Variants in WDFY1 observed in about 807,000 individuals in gnomAD.
WDFY1 encodes WD repeat and FYVE domain containing 1.
In WDFY1, 32 loss-of-function variants were observed where a neutral mutation model predicts 56.4. The ratio of observed to expected loss-of-function variants is 0.57; its 90% CI spans 0.43 to 0.76. The LOEUF is 0.76. Among genes scored for constraint, WDFY1 ranks in the 30% least tolerant of loss-of-function variants. The probability of loss-of-function intolerance (pLI) is 0.00; values close to 1 mark genes in which losing one functional copy is unlikely to be tolerated. For synonymous variants in WDFY1, 192 were observed against 197.3 expected (o/e 0.97, Z 0.23); for missense variants, 480 against 545.7 (o/e 0.88, Z 1.20).
At chr2:223,933,876 C>T (rs10933026) in intron 1 of WDFY1, among the ~76,000 whole-genome samples, 109,862 of 143,768 alleles carry the variant, frequency 0.76, 44,980 homozygotes, top group Non-Finnish European at 0.92. Context: ...GTGGAAGGAT[C>T]GTTTGAGCCC....
At chr2:223,904,311 G>A (rs1332647765) in intron 4 of WDFY1, among the ~76,000 whole-genome samples, 3 of 152,320 alleles carry the variant, frequency 2.0e-5, no homozygotes, top group East Asian at 3.9e-4. Flanking sequence ...GAGTGCAGTG[G>A]TGCGATTTTG....
intron 8 of WDFY1, among the ~76,000 whole-genome samples, chr2:223,885,478 C>T (rs535095347): frequency 2.8e-4 from 43 of 152,248 alleles, no homozygotes; most frequent in African/African-American, 7.9e-4. Context: ...ATTACAGTCA[C>T]GAGCCACTGC....
chr2:223,895,290 T>G (rs34870657), intron 7 of WDFY1, among the ~76,000 whole-genome samples: 2,422 of 152,200 alleles, frequency 0.016, 49 homozygotes, highest in Middle Eastern at 0.058. Context: ...GCATTTGTTT[T>G]TTTGTTTGTT....
intron 1 of WDFY1, among the ~76,000 whole-genome samples, chr2:223,933,798 C>CA (rs113051490): frequency 4.0e-5 from 6 of 149,386 alleles, no homozygotes; most frequent in South Asian, 4.2e-4. Context: ...CCCATCTCTA[C>CA]AAAAAAAAAT....
intron 2 of WDFY1, among the ~76,000 whole-genome samples, chr2:223,913,761 T>C (rs953279845): frequency 2.0e-5 from 3 of 151,998 alleles, no homozygotes. Flanking sequence ...ATATGTAAAA[T>C]CCCTCTTTTG....
At chr2:223,889,029 A>G (rs536291364) in intron 8 of WDFY1, among the ~76,000 whole-genome samples, 5 of 147,986 alleles carry the variant, frequency 3.4e-5, no homozygotes, top group African/African-American at 1.3e-4. Context: ...TCAGCCTCCC[A>G]AGTAGCTGAG....
chr2:223,918,751 CGA>C (rs753531982), intron 1 of WDFY1, among the ~76,000 whole-genome samples: 13 of 152,076 alleles, frequency 8.5e-5, no homozygotes, highest in Non-Finnish European at 1.9e-4. Flanking sequence ...CCGTCTGGGC[CGA>C]GAGGAAGGCG....
Position 223,934,790 on chromosome 2 carries a change from G to A in WDFY1, c.137+10358C>T, listed in dbSNP as rs142634571. On this transcript the variant is annotated intron_variant, in intron 1 of 11. Transcript: ENST00000233055. ...CCTGCCTCGGCCTCCCAAAGTGCTG[G>A]GGTTACAGGCATGAGCCATTGCGCC... Among the ~76,000 whole-genome samples the A allele has an allele frequency of 2.8e-3, 430 of 152,308 alleles. 4 individuals carry two copies. The highest frequency in any genetic ancestry group is 0.01 in the African/African-American group (416 of 41,562).
At chr2:223,884,557 A>T in intron 9 of WDFY1, 91 bp downstream of exon 9, 1 of 1,260,872 alleles carries the variant, frequency 7.9e-7, no homozygotes, top group South Asian at 1.2e-5. Flanking sequence ...CATTTGCAAA[A>T]ACAAAGTGTG....
chr2:223,893,190 G>A (rs1031699468), intron 8 of WDFY1, among the ~76,000 whole-genome samples: 1 of 151,948 alleles, frequency 6.6e-6, no homozygotes, highest in Non-Finnish European at 1.5e-5. Flanking sequence ...CAATGACAAG[G>A]TCAAGAATAT....
Position 223,901,217 on chromosome 2 carries a change from T to A in WDFY1, c.451A>T (p.Arg151Trp). 6.2e-7 allele frequency: 1 copy of A among 1,614,054 alleles called. No individual in the cohort carries two copies. The highest frequency in any genetic ancestry group is 8.5e-7 in the Non-Finnish European group (1 of 1,179,992). ...GAAGCCCAGGACGTGAAGAAGTGCC[T>A]CCCGAGCATGTTCCCGCTCCGCGTG... ...MCTRSGNMLG[R>W]HFFTSWASCL... The change falls in exon 5 of 12, where the codon AGG (arginine) becomes TGG (tryptophan). Residue 151 changes from arginine (R) to tryptophan (W), a missense_variant. Transcript: ENST00000233055.
chr2:223,889,454 C>G (rs1693229918), intron 8 of WDFY1, among the ~76,000 whole-genome samples: 3 of 152,136 alleles, frequency 2.0e-5, no homozygotes, highest in Admixed American at 2.0e-4. Context: ...GGGAGGGACC[C>G]AGTAGGATGT....
intron 1 of WDFY1, 51 bp downstream of exon 1, chr2:223,945,097 A>C (rs1235022297): frequency 6.5e-7 from 1 of 1,533,542 alleles, no homozygotes; most frequent in South Asian, 1.2e-5. Context: ...CACCGCCCCC[A>C]CACCCCGTCG....
Position 223,891,382 on chromosome 2 carries a change from C to CAAAAAAAAAAA in WDFY1, c.831+2841_831+2851dup, listed in dbSNP as rs61587389. On this transcript the variant is annotated intron_variant, in intron 8 of 11. Transcript: ENST00000233055. ...TGAGTGACAGAGCTAGACTCCGTCT[C>CAAAAAAAAAAA]AAAAAAAAAAAAAGCCCAAAAATCC... Among the ~76,000 whole-genome samples the CAAAAAAAAAAA allele has an allele frequency of 1.2e-4, 7 of 60,114 alleles. 2 individuals carry two copies. The highest frequency in any genetic ancestry group is 1.7e-4 in the Non-Finnish European group (6 of 35,034). The allele number at this position is 60,114 out of a possible 152,430, so 39.4% of individuals were successfully genotyped here.
At position 223,877,241 on chromosome 2, in the gene WDFY1, G is replaced by A. The variant is rs1200270298; in HGVS notation, c.*1430C>T. On this transcript the variant is annotated 3_prime_UTR_variant, in exon 12 of 12. Transcript: ENST00000233055. ...ATTATAAAACAAATTTAGTCCTTTA[G>A]TTTTATCATATGGAATGACCCTATT... 1.3e-5 allele frequency: 2 copies of A among 150,854 alleles called. No individual in the cohort carries two copies. Among genetic ancestry groups the A allele is most frequent in the Admixed American group, 1.3e-4 (2 of 15,142 alleles). 9.3% of individuals were successfully genotyped at this position (150,854 alleles called of 1,614,324 possible). A position where few individuals can be genotyped will look rare whatever the true frequency, so the allele number is the denominator to read the frequency against.
At chr2:223,929,049 G>C (rs1694031471) in intron 1 of WDFY1, among the ~76,000 whole-genome samples, 1 of 152,170 alleles carries the variant, frequency 6.6e-6, no homozygotes, top group Non-Finnish European at 1.5e-5. Flanking sequence ...CAAGACATCA[G>C]ATGCAGAAGG....
intron 11 of WDFY1, 30 bp from the exon 12 acceptor site, chr2:223,878,760 C>A: frequency 1.9e-6 from 3 of 1,613,270 alleles, no homozygotes; most frequent in Non-Finnish European, 2.5e-6. Flanking sequence ...GCAGAAAAGG[C>A]AGCAGTGATA....
chr2:223,896,829 T>A (rs777448555), intron 6 of WDFY1, among the ~76,000 whole-genome samples: 5 of 152,218 alleles, frequency 3.3e-5, no homozygotes, highest in African/African-American at 4.8e-5. Context: ...GTGTAATCTA[T>A]GTGCCATCCA....
At chr2:223,913,793 G>T in intron 2 of WDFY1, among the ~76,000 whole-genome samples, 1 of 151,710 alleles carries the variant, frequency 6.6e-6, no homozygotes, top group Non-Finnish European at 1.5e-5. Context: ...CAAAGTGCTG[G>T]GTAATTTTAT....
Sources: gnomAD v4.1 joint callset for allele counts (sites outside exome capture counted in the v4.1 genomes callset) on GRCh38, gnomAD v4.1.1 for gene constraint, MANE v1.5 for transcripts, NCBI Gene and HGNC (gene_info 2026-07-23, HGNC 2026-07-21) for gene names.